FRMD5: variants seen among roughly 807,000 people sequenced by gnomAD.
FRMD5 encodes FERM domain-containing protein 5.
A neutral mutation model predicts 69.0 loss-of-function variants in FRMD5; 20 were observed. The ratio of observed to expected loss-of-function variants is 0.29; its 90% confidence interval spans 0.20 to 0.42. The LOEUF (loss-of-function observed/expected upper bound fraction) is 0.42, where lower values mean the gene tolerates loss of function less well. FRMD5 is among the 10% of genes least tolerant of loss of function. The probability of loss-of-function intolerance (pLI) is 1.00; values close to 1 mark genes in which losing one functional copy is unlikely to be tolerated. For synonymous variants in FRMD5, 271 were observed against 260.1 expected (o/e 1.04, Z -0.40); for missense variants, 595 against 708.6 (o/e 0.84, Z 1.82).
At chr15:44,001,780 TG>T (rs1285117533) in intron 1 of FRMD5, among the ~76,000 whole-genome samples, 3 of 151,996 alleles carry the variant, frequency 2.0e-5, no homozygotes, top group African/African-American at 4.8e-5. Flanking sequence ...CTAATTTTTT[TG>T]TATTTTTTGT....
At chr15:44,130,661 C>A (rs1416142276) in intron 1 of FRMD5, among the ~76,000 whole-genome samples, 1 of 151,962 alleles carries the variant, frequency 6.6e-6, no homozygotes, top group Non-Finnish European at 1.5e-5. Flanking sequence ...TGAATAGTTA[C>A]AAATTACAGG....
At chr15:44,052,660 A>G (rs1469104880) in intron 1 of FRMD5, among the ~76,000 whole-genome samples, 1 of 152,204 alleles carries the variant, frequency 6.6e-6, no homozygotes, top group Non-Finnish European at 1.5e-5. Context: ...CCACTCTAAT[A>G]TATCAGTTTT....
chr15:43,959,128 T>A (rs1471332365), intron 1 of FRMD5, among the ~76,000 whole-genome samples: 2 of 152,218 alleles, frequency 1.3e-5, no homozygotes, highest in African/African-American at 4.8e-5. Context: ...AAGAAGTCTC[T>A]CTCCTTGGAC....
intron 1 of FRMD5, among the ~76,000 whole-genome samples, chr15:43,949,505 C>CA (rs1198649495): frequency 1.3e-5 from 2 of 152,030 alleles, no homozygotes; most frequent in Admixed American, 1.3e-4. Flanking sequence ...GATAGATGCT[C>CA]AAAAAAACAC....
At chr15:44,151,971 A>G (rs2077454225) in intron 1 of FRMD5, among the ~76,000 whole-genome samples, 1 of 152,204 alleles carries the variant, frequency 6.6e-6, no homozygotes, top group Non-Finnish European at 1.5e-5. Context: ...GCACTTTAGG[A>G]GGCCGCGGTG....
chr15:43,923,625 G>A (rs964248271), intron 2 of FRMD5, among the ~76,000 whole-genome samples: 1 of 152,208 alleles, frequency 6.6e-6, no homozygotes, highest in African/African-American at 2.4e-5. Context: ...AGATGAAGCT[G>A]GAGAAATAGG....
At chr15:44,104,413 T>C (rs1168271701) in intron 1 of FRMD5, among the ~76,000 whole-genome samples, 2 of 152,178 alleles carry the variant, frequency 1.3e-5, no homozygotes, top group African/African-American at 4.8e-5. Flanking sequence ...GTTTATTAAA[T>C]CCATAGTAGT....
intron 1 of FRMD5, among the ~76,000 whole-genome samples, chr15:44,041,771 A>G (rs981112635): frequency 3.3e-5 from 5 of 152,226 alleles, no homozygotes; most frequent in African/African-American, 1.2e-4. Context: ...TCTGTGACAC[A>G]TTTAAAGCAG....
intron 13 of FRMD5, chr15:43,876,352 A>G: frequency 1.2e-6 from 1 of 832,260 alleles, no homozygotes; most frequent in Non-Finnish European, 2.0e-6. Flanking sequence ...CCACGGTTTG[A>G]GTCTCAAGTC....
At chr15:43,963,583 T>C (rs1476191979) in intron 1 of FRMD5, among the ~76,000 whole-genome samples, 2 of 152,218 alleles carry the variant, frequency 1.3e-5, no homozygotes, top group Non-Finnish European at 2.9e-5. Context: ...TTATAAATCA[T>C]GCTGCTATAA....
intron 8 of FRMD5, among the ~76,000 whole-genome samples, chr15:43,890,408 G>A (rs757772002): frequency 2.0e-5 from 3 of 152,088 alleles, no homozygotes; most frequent in Non-Finnish European, 2.9e-5. Context: ...TATAATTTAG[G>A]GACTGCAGGT....
intron 1 of FRMD5, among the ~76,000 whole-genome samples, chr15:44,157,497 T>C (rs1595534574): frequency 1.3e-5 from 2 of 152,330 alleles, no homozygotes; most frequent in South Asian, 2.1e-4. Context: ...TAATACTTCA[T>C]ATAATTCATA....
At chr15:44,072,793 AC>A (rs1893597198) in intron 1 of FRMD5, among the ~76,000 whole-genome samples, 3 of 152,294 alleles carry the variant, frequency 2.0e-5, no homozygotes, top group Admixed American at 1.3e-4. Flanking sequence ...ATAAAAAAAA[AC>A]AAACTGTGTT....
At chr15:43,930,201 T>C (rs952549301) in intron 1 of FRMD5, among the ~76,000 whole-genome samples, 2 of 152,188 alleles carry the variant, frequency 1.3e-5, no homozygotes, top group African/African-American at 2.4e-5. Flanking sequence ...TTTTCCTGCT[T>C]AGTCGTAAAC....
At chr15:43,985,594 T>G (rs1359819969) in intron 1 of FRMD5, among the ~76,000 whole-genome samples, 3 of 152,172 alleles carry the variant, frequency 2.0e-5, no homozygotes, top group East Asian at 1.9e-4. Flanking sequence ...ACAGAGTCCC[T>G]TACACAACTG....
At chr15:43,993,319 A>C (rs1462157423) in intron 1 of FRMD5, among the ~76,000 whole-genome samples, 2 of 152,076 alleles carry the variant, frequency 1.3e-5, no homozygotes, top group African/African-American at 2.4e-5. Context: ...CAGCCTCCCG[A>C]GTAGCTGGGA....
intron 1 of FRMD5, among the ~76,000 whole-genome samples, chr15:44,127,066 C>T (rs1173118156): frequency 3.9e-5 from 6 of 152,202 alleles, no homozygotes; most frequent in Non-Finnish European, 7.3e-5. Context: ...TAGAACAGAA[C>T]ATGTTTCATA....
At chr15:44,024,382 T>C (rs1400141437) in intron 1 of FRMD5, among the ~76,000 whole-genome samples, 2 of 152,068 alleles carry the variant, frequency 1.3e-5, no homozygotes, top group Non-Finnish European at 1.5e-5. Flanking sequence ...AACACCAGAG[T>C]GTTCTCCAGA....
chr15:44,058,488 A>T (rs1279446393), intron 1 of FRMD5, among the ~76,000 whole-genome samples: 1 of 152,174 alleles, frequency 6.6e-6, no homozygotes, highest in African/African-American at 2.4e-5. Context: ...AAATAGATAA[A>T]TTGTATGATG....
Sources: gnomAD v4.1 joint callset for allele counts (sites outside exome capture counted in the v4.1 genomes callset) on GRCh38, gnomAD v4.1.1 for gene constraint, MANE v1.5 for transcripts, NCBI Gene and HGNC (gene_info 2026-07-23, HGNC 2026-07-21) for gene names.